Variants in FBXO17 observed in about 807,000 individuals in gnomAD.
The protein encoded by FBXO17 is F-box protein 17.
In FBXO17, 43 loss-of-function variants were observed where a neutral mutation model predicts 34.1. The ratio of observed to expected loss-of-function variants is 1.26; its 90% confidence interval spans 0.99 to 1.62. The LOEUF (loss-of-function observed/expected upper bound fraction) is 1.62. FBXO17 is among the 40% of genes most tolerant of loss of function. The pLI, the probability that FBXO17 is intolerant of heterozygous loss-of-function variation, is 0.00. For missense variants in FBXO17, 424 were observed against 386.7 expected (o/e 1.10, Z -0.81); for synonymous variants, 169 against 166.0 (o/e 1.02, Z -0.14).
intron 5 of FBXO17, among the ~76,000 whole-genome samples, chr19:38,943,629 G>A (rs1974927885): frequency 1.3e-5 from 2 of 151,726 alleles, no homozygotes; most frequent in Admixed American, 6.6e-5. Context: ...TCGCTCCATC[G>A]CCCAGGCTGG....
intron 1 of FBXO17, among the ~76,000 whole-genome samples, chr19:38,955,484 C>CT (rs1223708955): frequency 0.083 from 11,080 of 133,528 alleles, 662 homozygotes; most frequent in East Asian, 0.24. Flanking sequence ...TTCTTTCTTT[C>CT]TTTTTTTTTT....
rs568844220 is a variant in FBXO17, at chr19:38,948,641, G to T, written c.387C>A (p.Asn129Lys). ...FRGWEVEHGG[N>K]GWAIEKNLTP... ...TTAGGTTCTTTTCTATGGCCCAGCC[G>T]TTCCCGCCATGCTCCACCTCCCAGC... is the stretch of plus-strand genomic sequence containing the variant. The change falls in exon 3 of 6, where the codon AAC (asparagine) becomes AAA (lysine). Residue 129 changes from asparagine to lysine, a missense_variant. Coordinates refer to ENST00000292852, the MANE Select transcript of FBXO17 (RefSeq NM_024907.7). 1 of 1,613,924 alleles carries T rather than the reference G, an allele frequency of 6.2e-7. No individual in the cohort carries two copies. The highest frequency in any genetic ancestry group is 1.1e-5 in the South Asian group (1 of 91,088).
intron 1 of FBXO17, among the ~76,000 whole-genome samples, chr19:38,965,759 A>C (rs964349673): frequency 1.3e-5 from 2 of 151,638 alleles, no homozygotes; most frequent in Non-Finnish European, 2.9e-5. Context: ...CACCCACCTC[A>C]GCCTCCCAAA....
chr19:38,946,385 G>A (rs986639659), intron 4 of FBXO17, 87 bp downstream of exon 4: 11 of 1,587,172 alleles, frequency 6.9e-6, no homozygotes, highest in African/African-American at 4.0e-5. Context: ...CTACCCGTGG[G>A]GTTGATGGGG....
At chr19:38,974,204 C>G (rs1368247295) in intron 1 of FBXO17, among the ~76,000 whole-genome samples, 5 of 151,436 alleles carry the variant, frequency 3.3e-5, no homozygotes, top group African/African-American at 1.2e-4. Context: ...TCCTCAGCCT[C>G]CTGAGTAGCT....
chr19:38,956,193 G>T lies in FBXO17; in HGVS notation c.-17-5857C>A, dbSNP rs1341495223. On this transcript the variant is annotated intron_variant, in intron 1 of 5. Coordinates refer to ENST00000292852, the MANE Select transcript of FBXO17 (RefSeq NM_024907.7). ...AGGCAGGAGAATCACTTGAACCCGG[G>T]AGGTGGAGGTTGCAGTGAGCTGAGA... is the stretch of plus-strand genomic sequence containing the variant. 4.6e-5 allele frequency among the ~76,000 whole-genome samples: 7 copies of T among 151,472 alleles called. No individual in the cohort carries two copies. The East Asian group carries it at 1.4e-3, about 30-fold the overall frequency.
In FBXO17 at chr19:38,962,106, TAAA is replaced by T. The variant is rs71167604; in HGVS notation, c.-17-11773_-17-11771del. ...GTTCTAGCCCACCCAGGGACGCTGT[TAAA>T]AAAAAAAAAAAAAAAAAAAGCTCCG... On this transcript the variant is annotated intron_variant, in intron 1 of 5. Coordinates refer to ENST00000292852, the MANE Select transcript of FBXO17 (RefSeq NM_024907.7). Among the ~76,000 whole-genome samples the T allele has an allele frequency of 4.7e-3, 430 of 92,444 alleles. 1 individual carries two copies. The highest frequency in any genetic ancestry group is 0.019 in the East Asian group (58 of 3,006). 60.6% of individuals were successfully genotyped at this position (92,444 alleles called of 152,430 possible). A position where few individuals can be genotyped will look rare whatever the true frequency, so the allele number is the denominator to read the frequency against.
chr19:38,962,212 AT>A (rs1975262111), intron 1 of FBXO17, among the ~76,000 whole-genome samples: 1 of 151,932 alleles, frequency 6.6e-6, no homozygotes, highest in Non-Finnish European at 1.5e-5. Context: ...ATAAAAAAAA[AT>A]AAATAATAAT....
chr19:38,964,840 A>G (rs1975299343), intron 1 of FBXO17, among the ~76,000 whole-genome samples: 1 of 152,090 alleles, frequency 6.6e-6, no homozygotes, highest in Admixed American at 6.6e-5. Context: ...GTTACTGAGT[A>G]AAGCCCTCCC....
chr19:38,951,306 T>C (rs530056457), intron 1 of FBXO17, among the ~76,000 whole-genome samples: 6 of 150,754 alleles, frequency 4.0e-5, no homozygotes, highest in African/African-American at 1.2e-4. Context: ...GCTGGGACTA[T>C]AGGTGCATGC....
chr19:38,972,616 T>C (rs1253622761), intron 1 of FBXO17, among the ~76,000 whole-genome samples: 1 of 152,106 alleles, frequency 6.6e-6, no homozygotes, highest in Non-Finnish European at 1.5e-5. Flanking sequence ...TGCTACTGTA[T>C]ACATGTCTTC....
At chr19:38,960,797 T>C (rs1975237720) in intron 1 of FBXO17, among the ~76,000 whole-genome samples, 1 of 133,724 alleles carries the variant, frequency 7.5e-6, no homozygotes, top group East Asian at 2.3e-4. Flanking sequence ...CATGAGCCCC[T>C]GCACCCGGCC....
intron 1 of FBXO17, chr19:38,952,764 C>G: frequency 2.2e-6 from 1 of 461,104 alleles, no homozygotes; most frequent in South Asian, 1.5e-5. Context: ...TCCCCAACAT[C>G]TCCCTCTCGT....
chr19:38,958,835 C>T (rs1393140843), intron 1 of FBXO17, among the ~76,000 whole-genome samples: 1 of 152,188 alleles, frequency 6.6e-6, no homozygotes, highest in East Asian at 1.9e-4. Context: ...CACGTGCAGG[C>T]TTTTGCAACT....
intron 1 of FBXO17, among the ~76,000 whole-genome samples, chr19:38,960,894 C>A (rs1457694871): frequency 1.3e-5 from 2 of 151,834 alleles, no homozygotes; most frequent in African/African-American, 4.8e-5. Context: ...GCAACCTCCG[C>A]CTCCCAAGTT....
chr19:38,946,862 G>A (rs1165399462), intron 3 of FBXO17: 2 of 393,764 alleles, frequency 5.1e-6, no homozygotes, highest in African/African-American at 4.1e-5. Context: ...TACTAGACAT[G>A]TGAGCGGGGA....
chr19:38,947,256 G>C (rs1312466238), intron 3 of FBXO17: 1 of 152,364 alleles, frequency 6.6e-6, no homozygotes, highest in African/African-American at 2.4e-5. Context: ...AGTATTGGTG[G>C]AAGGATGGGT....
At chr19:38,952,239 G>C (rs1975095975) in intron 1 of FBXO17, among the ~76,000 whole-genome samples, 1 of 152,150 alleles carries the variant, frequency 6.6e-6, no homozygotes, top group African/African-American at 2.4e-5. Context: ...GAGCCACCAC[G>C]CCTGGCCTGA....
intron 1 of FBXO17, among the ~76,000 whole-genome samples, chr19:38,954,578 G>GT (rs1026579584): frequency 0.019 from 1,783 of 93,512 alleles, 48 homozygotes; most frequent in African/African-American, 0.054. Context: ...CCGAGAATGT[G>GT]TTTTTTTTTT....
Sources: gnomAD v4.1 joint callset for allele counts (sites outside exome capture counted in the v4.1 genomes callset) on GRCh38, gnomAD v4.1.1 for gene constraint, MANE v1.5 for transcripts, NCBI Gene and HGNC (gene_info 2026-07-23, HGNC 2026-07-21) for gene names.